RARB: variants seen among roughly 807,000 people sequenced by gnomAD.
RARB encodes HBV-activated protein.
In RARB, 17 loss-of-function variants were observed where a neutral mutation model predicts 51.9. That is an observed-to-expected ratio of 0.33 (90% CI 0.22 to 0.49). The LOEUF (loss-of-function observed/expected upper bound fraction) is 0.49, where lower values mean the gene tolerates loss of function less well. RARB is among the 20% of genes least tolerant of loss of function. The pLI is 0.99. For missense variants in RARB, 369 were observed against 550.8 expected, an observed-to-expected ratio of 0.67 and a Z score of 3.30; for synonymous variants, 215 against 195.4, an observed-to-expected ratio of 1.10 and a Z score of -0.84.
intron 2 of RARB, among the ~76,000 whole-genome samples, chr3:25,050,314 G>A (rs1698304405): frequency 6.6e-6 from 1 of 152,158 alleles, no homozygotes; most frequent in African/African-American, 2.4e-5. Context: ...AAGACACACT[G>A]CATCACCTTA....
chr3:25,170,005 AAAAG>A (rs765715170), intron 4 of RARB, among the ~76,000 whole-genome samples: 2 of 88,678 alleles, frequency 2.3e-5, no homozygotes, highest in Non-Finnish European at 5.0e-5. Context: ...AAAAAAAAAA[AAAAG>A]AAAGAAAAAA....
chr3:25,272,504 C>G (rs909343188), intron 5 of RARB, among the ~76,000 whole-genome samples: 26 of 152,212 alleles, frequency 1.7e-4, no homozygotes, highest in African/African-American at 6.3e-4. Context: ...TGGATCCGTT[C>G]CTACATCACT....
At chr3:24,960,869 C>A (rs1575092747) in intron 2 of RARB, among the ~76,000 whole-genome samples, 1 of 151,858 alleles carries the variant, frequency 6.6e-6, no homozygotes. Flanking sequence ...TTGACATCCA[C>A]ATAAAAATGT....
At chr3:24,951,958 C>T (rs1262201691) in intron 2 of RARB, among the ~76,000 whole-genome samples, 2 of 152,150 alleles carry the variant, frequency 1.3e-5, no homozygotes, top group Admixed American at 1.3e-4. Context: ...CGTAATACAC[C>T]CTTGCTCTAT....
chr3:25,063,535 C>G (rs1048265217), intron 3 of RARB, among the ~76,000 whole-genome samples: 2 of 150,916 alleles, frequency 1.3e-5, no homozygotes, highest in African/African-American at 2.5e-5. Context: ...GGTAAAAAAA[C>G]AAAAATGTAC....
chr3:25,335,555 C>A (rs1178538007), intron 5 of RARB, among the ~76,000 whole-genome samples: 1 of 152,198 alleles, frequency 6.6e-6, no homozygotes. Context: ...TTCCCCAGTT[C>A]CATTGTGCAG....
intron 2 of RARB, among the ~76,000 whole-genome samples, chr3:24,936,677 T>C (rs1695554753): frequency 6.6e-6 from 1 of 152,254 alleles, no homozygotes; most frequent in African/African-American, 2.4e-5. Context: ...ACATGACATT[T>C]GCTTTTAAAG....
intron 5 of RARB, among the ~76,000 whole-genome samples, chr3:25,410,359 T>C (rs916743041): frequency 6.6e-6 from 1 of 152,240 alleles, no homozygotes; most frequent in Non-Finnish European, 1.5e-5. Context: ...GGCAGCAGAA[T>C]AAATGTTAGG....
intron 5 of RARB, among the ~76,000 whole-genome samples, chr3:25,311,162 C>A (rs2125433645): frequency 6.6e-6 from 1 of 152,272 alleles, no homozygotes; most frequent in Non-Finnish European, 1.5e-5. Flanking sequence ...ACTTTAGATT[C>A]TAAGTAGGTG....
intron 2 of RARB, among the ~76,000 whole-genome samples, chr3:24,905,240 G>A (rs894360496): frequency 1.3e-5 from 2 of 152,134 alleles, no homozygotes; most frequent in South Asian, 2.1e-4. Flanking sequence ...TCCTTACCCT[G>A]GGCCCTGGGG....
At chr3:25,029,730 A>G (rs1263203879) in intron 2 of RARB, among the ~76,000 whole-genome samples, 3 of 152,216 alleles carry the variant, frequency 2.0e-5, no homozygotes, top group Non-Finnish European at 4.4e-5. Context: ...AAAGTAGTGA[A>G]TAAGTCACGT....
intron 3 of RARB, among the ~76,000 whole-genome samples, chr3:25,072,993 C>G (rs931962298): frequency 1.3e-5 from 2 of 152,072 alleles, no homozygotes; most frequent in Non-Finnish European, 2.9e-5. Flanking sequence ...CCACCGCGCC[C>G]GGCCGGAGGG....
chr3:25,222,584 T>C (rs1471885779), intron 5 of RARB, among the ~76,000 whole-genome samples: 2 of 152,160 alleles, frequency 1.3e-5, no homozygotes, highest in Non-Finnish European at 2.9e-5. Context: ...ACAAGGCTAA[T>C]AGAGTTGGTA....
intron 5 of RARB, among the ~76,000 whole-genome samples, chr3:25,195,486 C>G (rs1701211893): frequency 6.6e-6 from 1 of 152,066 alleles, no homozygotes; most frequent in Non-Finnish European, 1.5e-5. Flanking sequence ...CTTGGAGATC[C>G]CTAATATATT....
intron 5 of RARB, among the ~76,000 whole-genome samples, chr3:25,285,236 A>G (rs781456126): frequency 2.6e-5 from 4 of 152,226 alleles, no homozygotes; most frequent in Non-Finnish European, 5.9e-5. Flanking sequence ...GAGTTAGACA[A>G]AGCTCCACTG....
intron 2 of RARB, among the ~76,000 whole-genome samples, chr3:25,030,283 T>C (rs1185848906): frequency 6.6e-6 from 1 of 152,236 alleles, no homozygotes; most frequent in Non-Finnish European, 1.5e-5. Flanking sequence ...TAGCTGAAAA[T>C]TACATATATT....
chr3:24,978,257 C>A (rs9682457), intron 2 of RARB, among the ~76,000 whole-genome samples: 1 of 151,878 alleles, frequency 6.6e-6, no homozygotes, highest in Non-Finnish European at 1.5e-5. Flanking sequence ...ATCAGGATGA[C>A]GCTTGTCTTA....
chr3:25,259,185 C>A, intron 5 of RARB: 1 of 672,392 alleles, frequency 1.5e-6, no homozygotes, highest in Non-Finnish European at 1.8e-6. Flanking sequence ...AGCAAATCCA[C>A]TGTGGAAGAG....
At chr3:25,468,481 C>T (rs1261468280) in intron 2 of RARB, among the ~76,000 whole-genome samples, 5 of 149,266 alleles carry the variant, frequency 3.3e-5, no homozygotes, top group Non-Finnish European at 7.4e-5. Flanking sequence ...ACAGAGGGTC[C>T]GAGTAGTTAA....
Sources: gnomAD v4.1 joint callset for allele counts (sites outside exome capture counted in the v4.1 genomes callset) on GRCh38, gnomAD v4.1.1 for gene constraint, MANE v1.5 for transcripts, NCBI Gene and HGNC (gene_info 2026-07-23, HGNC 2026-07-21) for gene names.